Variants in NRG3 observed in about 807,000 individuals in gnomAD.
NRG3 encodes neuregulin 3.
NRG3 carries 31 observed loss-of-function variants against 66.9 expected under a neutral mutation model. The ratio of observed to expected loss-of-function variants is 0.46; its 90% CI spans 0.35 to 0.63. NRG3 has a LOEUF of 0.63. Ranked by LOEUF, NRG3 falls within the 20% of genes least tolerant of loss-of-function variation. The pLI is 0.00. For missense variants in NRG3, 910 were observed against 878.9 expected (o/e 1.04, Z -0.45); for synonymous variants, 393 against 359.4 (o/e 1.09, Z -1.06).
At chr10:81,908,327 G>A (rs1844793638) in intron 1 of NRG3, among the ~76,000 whole-genome samples, 1 of 152,122 alleles carries the variant, frequency 6.6e-6, no homozygotes, top group South Asian at 2.1e-4. Context: ...CATTTTTCTA[G>A]TAAAGTTGAC....
chr10:82,083,966 T>A (rs11192436), intron 1 of NRG3, among the ~76,000 whole-genome samples: 1 of 151,452 alleles, frequency 6.6e-6, no homozygotes, highest in Admixed American at 6.6e-5. Flanking sequence ...GGTGGCTCAC[T>A]CCTGTAATCA....
At chr10:82,553,496 G>A (rs949133664) in intron 2 of NRG3, among the ~76,000 whole-genome samples, 3 of 152,026 alleles carry the variant, frequency 2.0e-5, no homozygotes, top group Admixed American at 6.6e-5. Context: ...AAATAGAAGG[G>A]TTTGCTGAAG....
In NRG3 at chr10:81,897,072, A is replaced by G. The variant is rs1238209149; in HGVS notation, c.823+20909A>G. ...GTCATGGTAGTTGAAATGAGTTCAA[A>G]TTAGAAGAAGCCAGAAACGGCAATA... On this transcript the variant is annotated intron_variant, in intron 1 of 8. Transcript: ENST00000372141. Among the ~76,000 whole-genome samples the G allele has an allele frequency of 1.8e-4, 27 of 152,150 alleles. 1 individual carries two copies. The highest frequency in any genetic ancestry group is 1.5e-5 in the Non-Finnish European group (1 of 68,022).
At chr10:82,038,668 G>A (rs924570880) in intron 1 of NRG3, among the ~76,000 whole-genome samples, 4 of 152,046 alleles carry the variant, frequency 2.6e-5, no homozygotes, top group Non-Finnish European at 5.9e-5. Flanking sequence ...GGAACTTCTG[G>A]CCAGAGCCTA....
intron 4 of NRG3, among the ~76,000 whole-genome samples, chr10:82,912,816 A>T (rs1405454867): frequency 6.6e-6 from 1 of 152,040 alleles, no homozygotes; most frequent in Admixed American, 6.6e-5. Flanking sequence ...TTAGCATATC[A>T]ATTATGTTTT....
intron 4 of NRG3, among the ~76,000 whole-genome samples, chr10:82,876,982 C>G (rs1009684005): frequency 2.0e-5 from 3 of 149,596 alleles, no homozygotes; most frequent in African/African-American, 7.4e-5. Flanking sequence ...AAGATTGTGC[C>G]ACTGCATTCC....
intron 1 of NRG3, among the ~76,000 whole-genome samples, chr10:82,265,655 C>G (rs2078259013): frequency 6.6e-6 from 1 of 152,088 alleles, no homozygotes; most frequent in African/African-American, 2.4e-5. Flanking sequence ...ACTGAGAAAC[C>G]ATTTTCATGG....
intron 2 of NRG3, among the ~76,000 whole-genome samples, chr10:82,556,134 A>T (rs1407038185): frequency 6.6e-6 from 1 of 152,098 alleles, no homozygotes; most frequent in Non-Finnish European, 1.5e-5. Flanking sequence ...TTTTGGTTAC[A>T]TCTCACTTTT....
intron 4 of NRG3, among the ~76,000 whole-genome samples, chr10:82,936,093 A>G (rs1164592902): frequency 6.6e-6 from 1 of 152,174 alleles, no homozygotes; most frequent in Non-Finnish European, 1.5e-5. Flanking sequence ...TTCATTTTGT[A>G]AAATTTTCTC....
At chr10:82,631,279 C>T (rs949977640) in intron 2 of NRG3, among the ~76,000 whole-genome samples, 2 of 152,080 alleles carry the variant, frequency 1.3e-5, no homozygotes, top group Non-Finnish European at 2.9e-5. Flanking sequence ...TCAAATTCCC[C>T]GGATGAGGGA....
intron 4 of NRG3, among the ~76,000 whole-genome samples, chr10:82,929,417 T>A (rs540969433): frequency 7.2e-5 from 11 of 152,306 alleles, no homozygotes; most frequent in Non-Finnish European, 1.6e-4. Context: ...TCCCCAGGTA[T>A]AAGATTTATC....
chr10:82,210,603 A>C (rs555663157), intron 1 of NRG3, among the ~76,000 whole-genome samples: 3 of 152,178 alleles, frequency 2.0e-5, no homozygotes, highest in Non-Finnish European at 4.4e-5. Flanking sequence ...ACTAATTTTG[A>C]CTCTGGAGAA....
intron 2 of NRG3, among the ~76,000 whole-genome samples, chr10:82,363,511 GGTGGC>G (rs1437375927): frequency 6.6e-6 from 1 of 152,034 alleles, no homozygotes; most frequent in Admixed American, 6.6e-5. Flanking sequence ...GCTGGAGTGC[GGTGGC>G]GTGATCTAGG....
chr10:82,087,055 C>T (rs1046251173), intron 1 of NRG3, among the ~76,000 whole-genome samples: 7 of 152,078 alleles, frequency 4.6e-5, no homozygotes, highest in African/African-American at 1.5e-4. Context: ...GCCTTATCCT[C>T]AGCTGAGCAC....
chr10:82,090,123 A>T (rs1408440203), intron 1 of NRG3, among the ~76,000 whole-genome samples: 1 of 152,256 alleles, frequency 6.6e-6, no homozygotes, highest in Non-Finnish European at 1.5e-5. Flanking sequence ...AGGCATCTGC[A>T]GACTACAGAC....
chr10:82,295,260 T>A (rs2079990231), intron 1 of NRG3, among the ~76,000 whole-genome samples: 1 of 152,160 alleles, frequency 6.6e-6, no homozygotes, highest in Non-Finnish European at 1.5e-5. Context: ...CTCGTTTCAT[T>A]TAAGATGTAG....
chr10:82,212,217 G>A (rs2075432385), intron 1 of NRG3, among the ~76,000 whole-genome samples: 1 of 152,174 alleles, frequency 6.6e-6, no homozygotes, highest in African/African-American at 2.4e-5. Flanking sequence ...ATGCTCTTGA[G>A]ACTTGTTCTG....
At chr10:82,693,897 G>C (rs1262757653) in intron 2 of NRG3, among the ~76,000 whole-genome samples, 2 of 152,232 alleles carry the variant, frequency 1.3e-5, no homozygotes, top group Non-Finnish European at 2.9e-5. Flanking sequence ...CGAGTGGGTT[G>C]CCACTGGTGG....
chr10:82,492,482 C>T (rs976720095), intron 2 of NRG3, among the ~76,000 whole-genome samples: 3 of 152,072 alleles, frequency 2.0e-5, no homozygotes, highest in East Asian at 3.9e-4. Flanking sequence ...CTCTGAGACA[C>T]GTTAAGCTTA....
Sources: gnomAD v4.1 joint callset for allele counts (sites outside exome capture counted in the v4.1 genomes callset) on GRCh38, gnomAD v4.1.1 for gene constraint, MANE v1.5 for transcripts, NCBI Gene and HGNC (gene_info 2026-07-23, HGNC 2026-07-21) for gene names.